Variants in OPA1 observed in about 807,000 individuals in gnomAD.
OPA1 encodes dynamin-like GTPase OPA1, mitochondrial.
In OPA1, 59 loss-of-function variants were observed where a neutral mutation model predicts 152.9. The ratio of observed to expected loss-of-function variants is 0.39; its 90% CI spans 0.31 to 0.48. The LOEUF is 0.48. Among genes scored for constraint, OPA1 ranks in the 20% least tolerant of loss-of-function variants. The pLI is 0.96. For missense variants in OPA1, 1,008 were observed against 1,216.8 expected (o/e 0.83, Z 2.55); for synonymous variants, 400 against 389.9 (o/e 1.03, Z -0.31).
At chr3:193,622,223 A>ATTT (rs1162240613) in intron 6 of OPA1, among the ~76,000 whole-genome samples, 6 of 109,104 alleles carry the variant, frequency 5.5e-5, no homozygotes, top group Admixed American at 9.2e-5. Context: ...TATTACTCTC[A>ATTT]TTCTTTTTTT....
Position 193,659,003 on chromosome 3 carries a change from G to C in OPA1, c.2440+8G>C. On this transcript the variant is annotated splice_region_variant and intron_variant, in intron 24 of 30. Transcript: ENST00000361510. Reference sequence around the variant, plus strand: ...AGGCTCGTCTCAAGGATAGTAAGTGGAGACACGGCTTATTGAGTTCTGAGT... The same window carrying C: ...AGGCTCGTCTCAAGGATAGTAAGTGCAGACACGGCTTATTGAGTTCTGAGT... 5 of 1,578,328 alleles carry C rather than the reference G, an allele frequency of 3.2e-6. No homozygotes were observed. The highest frequency in any genetic ancestry group is 4.4e-6 in the Non-Finnish European group (5 of 1,147,440).
chr3:193,614,761 T>C lies in OPA1; in HGVS notation c.71T>C (p.Ile24Thr), dbSNP rs555053360. ...TCTTTAGTGAAACACAGCTCTGGAA[T>C]AAAAGGAAGTTTACCACTACAAAAA... is the stretch of plus-strand genomic sequence containing the variant. Reference protein sequence around the residue: ...CQSLVKHSSGIKGSLPLQKLH... With the variant: ...CQSLVKHSSGTKGSLPLQKLH... Residue 24 changes from isoleucine (I) to threonine (T), a missense_variant, in exon 2 of 31, where the codon ATA becomes ACA. This residue lies in a region of OPA1 where 408 missense variants were observed against 395.1 expected (regional missense o/e 1.03). Transcript: ENST00000361510. 1.2e-6 allele frequency: 2 copies of C among 1,614,122 alleles called. No homozygotes were observed. Among genetic ancestry groups the C allele is most frequent in the South Asian group, 2.2e-5 (2 of 91,086 alleles).
intron 21 of OPA1, among the ~76,000 whole-genome samples, chr3:193,651,685 A>C (rs1430191520): frequency 6.6e-6 from 1 of 152,210 alleles, no homozygotes; most frequent in Admixed American, 6.5e-5. Flanking sequence ...TGGAAAACTA[A>C]ATACAATATA....
At chr3:193,596,619 C>A (rs1352554452) in intron 1 of OPA1, among the ~76,000 whole-genome samples, 1 of 152,070 alleles carries the variant, frequency 6.6e-6, no homozygotes, top group East Asian at 1.9e-4. Flanking sequence ...TTTCCATGAA[C>A]TTTTAAGAAA....
intron 29 of OPA1, among the ~76,000 whole-genome samples, chr3:193,686,698 C>A (rs1720980887): frequency 6.6e-6 from 1 of 152,028 alleles, no homozygotes; most frequent in African/African-American, 2.4e-5. Flanking sequence ...AAAAGCAAAC[C>A]TTTTCATGAA....
At chr3:193,618,186 A>G (rs1729369610) in intron 5 of OPA1, among the ~76,000 whole-genome samples, 1 of 152,138 alleles carries the variant, frequency 6.6e-6, no homozygotes, top group South Asian at 2.1e-4. Context: ...TGACATTTAA[A>G]TTTGTTTTCC....
chr3:193,616,743 AT>A (rs921380484), intron 3 of OPA1, among the ~76,000 whole-genome samples: 112 of 152,202 alleles, frequency 7.4e-4, no homozygotes, highest in Non-Finnish European at 1.4e-3. Flanking sequence ...TTTTCATCAA[AT>A]TTTTTTAAAA....
chr3:193,662,758 G>T, intron 25 of OPA1, 64 bp from the exon 26 acceptor site: 1 of 1,336,504 alleles, frequency 7.5e-7, no homozygotes, highest in South Asian at 1.2e-5. Context: ...TTAAAATTGA[G>T]ACTGTTTTTC....
At chr3:193,653,459 G>A (rs988576060) in intron 21 of OPA1, among the ~76,000 whole-genome samples, 1 of 152,082 alleles carries the variant, frequency 6.6e-6, no homozygotes, top group African/African-American at 2.4e-5. Context: ...TCTTAAGAAG[G>A]ATCCCCTGAT....
At chr3:193,651,452 G>T (rs1044517129) in intron 21 of OPA1, among the ~76,000 whole-genome samples, 1 of 152,062 alleles carries the variant, frequency 6.6e-6, no homozygotes, top group African/African-American at 2.4e-5. Context: ...ATTAAATAAT[G>T]AGTATGTTTA....
At chr3:193,680,432 C>G (rs1453401018) in intron 29 of OPA1, among the ~76,000 whole-genome samples, 1 of 152,196 alleles carries the variant, frequency 6.6e-6, no homozygotes, top group Non-Finnish European at 1.5e-5. Context: ...ATCTTGACCT[C>G]TTTCTTATGC....
At chr3:193,677,854 T>G (rs192256131) in intron 29 of OPA1, among the ~76,000 whole-genome samples, 3 of 152,360 alleles carry the variant, frequency 2.0e-5, no homozygotes, top group African/African-American at 7.2e-5. Context: ...AGTAACCTAC[T>G]GCTGGTTGTG....
At chr3:193,675,306 G>A (rs551222627) in intron 29 of OPA1, among the ~76,000 whole-genome samples, 2 of 132,808 alleles carry the variant, frequency 1.5e-5, no homozygotes, top group African/African-American at 5.8e-5. Context: ...TGTAGGTTCA[G>A]AGGAGATTTT....
At chr3:193,606,129 G>T (rs1014595676) in intron 1 of OPA1, among the ~76,000 whole-genome samples, 2 of 152,170 alleles carry the variant, frequency 1.3e-5, no homozygotes, top group East Asian at 1.9e-4. Flanking sequence ...TTTATCAGCC[G>T]ACAATCCCTT....
At chr3:193,603,094 A>G (rs1206943611) in intron 1 of OPA1, among the ~76,000 whole-genome samples, 1 of 152,190 alleles carries the variant, frequency 6.6e-6, no homozygotes, top group East Asian at 1.9e-4. Context: ...CCATTTTAGT[A>G]ATGTCAGAAT....
At chr3:193,598,928 A>G (rs1319888909) in intron 1 of OPA1, among the ~76,000 whole-genome samples, 1 of 152,216 alleles carries the variant, frequency 6.6e-6, no homozygotes, top group Admixed American at 6.5e-5. Context: ...TTGTGGAACC[A>G]TGAGCTCTTT....
intron 27 of OPA1, 104 bp downstream of exon 27, chr3:193,665,100 T>A (rs1330788997): frequency 2.9e-6 from 2 of 696,020 alleles, no homozygotes; most frequent in African/African-American, 3.6e-5. Flanking sequence ...CCTTTGATCA[T>A]CTGGGGAAAA....
chr3:193,604,921 G>T (rs1727027138), intron 1 of OPA1, among the ~76,000 whole-genome samples: 1 of 151,568 alleles, frequency 6.6e-6, no homozygotes, highest in South Asian at 2.1e-4. Context: ...GAAGCCCTGT[G>T]ACCTTTATAT....
At chr3:193,632,712 T>C (rs551425944) in intron 8 of OPA1, among the ~76,000 whole-genome samples, 3 of 151,488 alleles carry the variant, frequency 2.0e-5, no homozygotes, top group Non-Finnish European at 2.9e-5. Flanking sequence ...CTATAAAAAT[T>C]TTTTTAAAAA....
Sources: allele counts gnomAD v4.1 joint callset (sites outside exome capture counted in the v4.1 genomes callset), GRCh38; gene constraint gnomAD v4.1.1; regional missense constraint gnomAD v4.1.1; transcripts MANE v1.5; gene names NCBI Gene and HGNC (gene_info 2026-07-23, HGNC 2026-07-21).